SNORC: variants seen among roughly 807,000 people sequenced by gnomAD.
SNORC encodes secondary ossification center associated regulator of chondrocyte maturation.
In SNORC, 11 loss-of-function variants were observed where a neutral mutation model predicts 9.7. That is an observed-to-expected ratio of 1.14 (90% CI 0.72 to 1.88). SNORC has a LOEUF of 1.88. SNORC is among the 40% of genes most tolerant of loss of function. The pLI is 0.00. For synonymous variants in SNORC, 108 were observed against 88.7 expected (o/e 1.22, Z -1.22); for missense variants, 197 against 173.1 (o/e 1.14, Z -0.77).
upstream of SNORC, among the ~76,000 whole-genome samples, chr2:232,867,151 A>G (rs114091322): frequency 0.013 from 1,995 of 152,362 alleles, 34 homozygotes; most frequent in African/African-American, 0.045. Context: ...AAAATGAGCC[A>G]TAAATTGGGT....
Position 232,870,317 on chromosome 2 carries a change from G to A in SNORC, c.-25G>A, listed in dbSNP as rs373689575. ...GCGCAGTCCTCCGTGCGTCCCGCCC[G>A]CCGCTGCCCTCACTCCCGGCCAGGA... On this transcript the variant is annotated 5_prime_UTR_variant, in exon 1 of 3. Transcript: ENST00000331342. 875 of 1,550,330 alleles carry A rather than the reference G, an allele frequency of 5.6e-4. 3 individuals are homozygous for A. The African/African-American group carries it at 7.6e-3, about 13-fold the overall frequency.
intron 1 of SNORC, among the ~76,000 whole-genome samples, chr2:232,875,032 C>G (rs916004773): frequency 1.3e-5 from 2 of 152,234 alleles, no homozygotes; most frequent in Non-Finnish European, 2.9e-5. Context: ...ATCACAGTCT[C>G]TATCCCAGTT....
Position 232,876,008 on chromosome 2 carries a change from C to A in SNORC, c.142C>A (p.Pro48Thr). 1 of 1,552,738 alleles carries A rather than the reference C, an allele frequency of 6.4e-7. No homozygotes were observed. Among genetic ancestry groups the A allele is most frequent in the East Asian group, 2.4e-5 (1 of 41,646 alleles). Residue 48 changes from proline (P) to threonine (T), a missense_variant, in exon 2 of 3, where the codon CCC (proline) becomes ACC (threonine). Transcript: ENST00000331342. The surrounding 1 kb of genome is among the most constrained non-coding windows in gnomAD (Gnocchi z 6.8). ...GGCCGAGCTGCCGTCGGGAGAAGGC[C>A]CCGTGGAGAGCACCAGCCCCGGCCG...
Position 232,876,089 on chromosome 2 carries a change from AGCACC to A in SNORC, c.226_230del (p.Thr76AlafsTer?). Reference sequence around the variant, plus strand: ...CACCGTCGCGCCAGGACCCGAGGACAGCACCGCGCAGGAGCGGCTGGACCAGGGCG... The same window carrying A: ...CACCGTCGCGCCAGGACCCGAGGACAGCGCAGGAGCGGCTGGACCAGGGCG... On this transcript the variant is annotated frameshift_variant, in exon 2 of 3. Transcript: ENST00000331342. LOFTEE classifies it high-confidence loss of function. This position sits in a 1 kb window ranked among gnomAD's most constrained non-coding sequence, Gnocchi z 6.8. The A allele has an allele frequency of 7.0e-7, 1 of 1,429,130 alleles. No homozygotes were observed. Among genetic ancestry groups the A allele is most frequent in the Non-Finnish European group, 9.2e-7 (1 of 1,082,466 alleles). 88.5% of individuals were successfully genotyped at this position (1,429,130 alleles called of 1,614,324 possible).
At chr2:232,872,083 C>T (rs547978477) in intron 1 of SNORC, among the ~76,000 whole-genome samples, 4 of 152,330 alleles carry the variant, frequency 2.6e-5, no homozygotes, top group South Asian at 2.1e-4. Context: ...CCTTCCCAAC[C>T]CCGGAGTCTC....
chr2:232,876,897 C>G, downstream of SNORC: 2 of 985,394 alleles, frequency 2.0e-6, no homozygotes, highest in Non-Finnish European at 2.4e-6. The surrounding 1 kb of genome is among the most constrained non-coding windows in gnomAD (Gnocchi z 6.8). Flanking sequence ...TCCCGCTCCG[C>G]TGGGGTTCAG....
At chr2:232,867,864 G>A (rs952112693), upstream of SNORC, among the ~76,000 whole-genome samples, 2 of 152,348 alleles carry the variant, frequency 1.3e-5, no homozygotes, top group South Asian at 4.1e-4. Context: ...TTCCGCCAGT[G>A]CCCAGCTATT....
chr2:232,875,211 T>C (rs879219528), intron 1 of SNORC, among the ~76,000 whole-genome samples: 1 of 151,088 alleles, frequency 6.6e-6, no homozygotes, highest in African/African-American at 2.4e-5. Context: ...TAGTGGCAGG[T>C]GCCTGTAGTC....
At chr2:232,870,471 C>A in intron 1 of SNORC, 57 bp downstream of exon 1, 1 of 1,483,412 alleles carries the variant, frequency 6.7e-7, no homozygotes, top group Non-Finnish European at 9.2e-7. Context: ...CCGATAACTA[C>A]CTTGGGGCCA....
At chr2:232,872,873 C>T (rs1040032932) in intron 1 of SNORC, among the ~76,000 whole-genome samples, 7 of 152,220 alleles carry the variant, frequency 4.6e-5, no homozygotes, top group Admixed American at 3.3e-4. Context: ...AGAAGTGCCT[C>T]GGCCCCTCCC....
chr2:232,877,393 G>C (rs1691314129), downstream of SNORC: 1 of 983,148 alleles, frequency 1.0e-6, no homozygotes, highest in Non-Finnish European at 1.2e-6. Context: ...AACCTGCTCA[G>C]CACAGCAGGA....
intron 1 of SNORC, among the ~76,000 whole-genome samples, chr2:232,872,152 C>G (rs1052374906): frequency 1.3e-5 from 2 of 150,532 alleles, no homozygotes; most frequent in African/African-American, 4.9e-5. Context: ...GCTGGGAGCT[C>G]TGGACAGGTG....
downstream of SNORC, chr2:232,878,121 C>CGAGCA (rs1419309866): frequency 6.6e-6 from 1 of 152,300 alleles, no homozygotes; most frequent in Non-Finnish European, 1.5e-5. Context: ...GTCTGAGGTC[C>CGAGCA]GAGCACCCTG....
chr2:232,875,296 T>C (rs1007621735), intron 1 of SNORC: 1 of 168,004 alleles, frequency 6.0e-6, no homozygotes, highest in African/African-American at 2.4e-5. Flanking sequence ...TGAGCCGAGA[T>C]TGTACCACTT....
chr2:232,876,011 G>T lies in SNORC; in HGVS notation c.145G>T (p.Val49Leu), dbSNP rs753193888. Residue 49 changes from valine to leucine, a missense_variant, in exon 2 of 3, where the codon GTG becomes TTG. Coordinates refer to ENST00000331342, the Ensembl canonical transcript of SNORC. The surrounding 1 kb of genome is among the most constrained non-coding windows in gnomAD (Gnocchi z 6.8). Reference sequence around the variant, plus strand: ...CGAGCTGCCGTCGGGAGAAGGCCCCGTGGAGAGCACCAGCCCCGGCCGGGA... The same window carrying T: ...CGAGCTGCCGTCGGGAGAAGGCCCCTTGGAGAGCACCAGCCCCGGCCGGGA... 6.4e-7 allele frequency: 1 copy of T among 1,552,086 alleles called. No individual in the cohort carries two copies. The highest frequency in any genetic ancestry group is 1.4e-5 in the African/African-American group (1 of 73,604).
chr2:232,871,436 T>C (rs1335635766), intron 1 of SNORC, among the ~76,000 whole-genome samples: 2 of 152,174 alleles, frequency 1.3e-5, no homozygotes, highest in African/African-American at 4.8e-5. Context: ...ATCTGTAGGA[T>C]GGTGACACAG....
chr2:232,871,258 G>T (rs941997754), intron 1 of SNORC, among the ~76,000 whole-genome samples: 8 of 152,164 alleles, frequency 5.3e-5, no homozygotes, highest in Admixed American at 5.2e-4. Context: ...GCTTCTGGGG[G>T]ACGACAGGCC....
At chr2:232,868,399 G>T (rs1690916979), upstream of SNORC, among the ~76,000 whole-genome samples, 2 of 152,140 alleles carry the variant, frequency 1.3e-5, no homozygotes, top group Non-Finnish European at 2.9e-5. Context: ...ACCTGGCCAG[G>T]TCATTTCATC....
chr2:232,876,235 C>T lies in SNORC; in HGVS notation c.257-12C>T. 6.7e-7 allele frequency: 1 copy of T among 1,499,470 alleles called. No homozygotes were observed. Among genetic ancestry groups the T allele is most frequent in the Non-Finnish European group, 8.8e-7 (1 of 1,130,888 alleles). The allele number at this position is 1,499,470 out of a possible 1,614,324, so 92.9% of individuals were successfully genotyped here. ...GGGGCTAGCAGGTGACATGGTCCTC[C>T]GTCCTCCGCAGGGTCGCTGGGGCCC... On this transcript the variant is annotated splice_polypyrimidine_tract_variant and intron_variant, in intron 2 of 2. Transcript: ENST00000331342. This position sits in a 1 kb window ranked among gnomAD's most constrained non-coding sequence, Gnocchi z 6.8.
Sources: allele counts gnomAD v4.1 joint callset (sites outside exome capture counted in the v4.1 genomes callset), GRCh38; gene constraint gnomAD v4.1.1; non-coding constraint Gnocchi (gnomAD v3.1); transcripts MANE v1.5; gene names NCBI Gene and HGNC (gene_info 2026-07-23, HGNC 2026-07-21).